The following TTC9 variants were observed in gnomAD, a reference collection of about 807,000 sequenced individuals.
TTC9 encodes tetratricopeptide repeat protein 9A.
Under a neutral mutation model 22.9 loss-of-function variants are expected in TTC9, and 13 were observed. That is an observed-to-expected ratio of 0.57 (90% CI 0.37 to 0.90). The LOEUF (loss-of-function observed/expected upper bound fraction) is 0.90, where lower values mean the gene tolerates loss of function less well. Among genes scored for constraint, TTC9 ranks in the 40% least tolerant of loss-of-function variants. The probability of loss-of-function intolerance (pLI) is 0.01; values close to 1 mark genes in which losing one functional copy is unlikely to be tolerated. For synonymous variants in TTC9, 148 were observed against 133.2 expected, an observed-to-expected ratio of 1.11 and a Z score of -0.77; for missense variants, 280 against 291.8, an observed-to-expected ratio of 0.96 and a Z score of 0.29.
chr14:70,643,827 C>A (rs564045206), intron 1 of TTC9, among the ~76,000 whole-genome samples: 4 of 152,154 alleles, frequency 2.6e-5, no homozygotes, highest in African/African-American at 4.8e-5. Flanking sequence ...TACGGAGGCA[C>A]TTTGTAAATT....
chr14:70,665,804 A>G (rs1295033485), intron 1 of TTC9, among the ~76,000 whole-genome samples: 1 of 152,220 alleles, frequency 6.6e-6, no homozygotes, highest in African/African-American at 2.4e-5. Context: ...AGGGGTCAGA[A>G]TGACTGACGT....
At position 70,671,145 on chromosome 14, in the gene TTC9, A is replaced by G; in HGVS notation, c.659A>G (p.Glu220Gly). The change falls in exon 3 of 3, where the codon GAA becomes GGA. Residue 220 changes from glutamate to glycine, a missense_variant. Glu to Gly is a moderately conservative substitution (Grantham distance 98). This residue lies in a region of TTC9 where 22 missense variants were observed against 20.4 expected (regional missense o/e 1.08). Coordinates refer to ENST00000256367, the MANE Select transcript of TTC9 (RefSeq NM_015351.2). ...KLSRCSQREK[E>G]AM ...AGCCGATGCTCCCAGAGAGAAAAAG[A>G]AGCCATGTAACCAGGAAGCAGCTCC... 1 of 1,613,600 alleles carries G rather than the reference A, an allele frequency of 6.2e-7. No individual in the cohort carries two copies. Among genetic ancestry groups the G allele is most frequent in the Non-Finnish European group, 8.5e-7 (1 of 1,179,702 alleles).
intron 1 of TTC9, among the ~76,000 whole-genome samples, chr14:70,655,416 A>AAC (rs1291470376): frequency 2.6e-5 from 4 of 152,096 alleles, no homozygotes; most frequent in Non-Finnish European, 5.9e-5. Context: ...CAAAAAAAAA[A>AAC]AAACAAAGAA....
chr14:70,674,433 G>C lies in TTC9; in HGVS notation c.*3278G>C, dbSNP rs1886339864. On this transcript the variant is annotated 3_prime_UTR_variant, in exon 3 of 3. Transcript: ENST00000256367. ...AATGTACACACGCACACACAGTTGT[G>C]GATTTTTTTAAACAAAAACTGGATA... 1 of 151,948 alleles carries C rather than the reference G, an allele frequency of 6.6e-6. No homozygotes were observed. The highest frequency in any genetic ancestry group is 2.4e-5 in the African/African-American group (1 of 41,352). 9.4% of individuals were successfully genotyped at this position (151,948 alleles called of 1,614,324 possible).
rs149318964 is a variant in TTC9 at position 70,675,138 on chromosome 14, T to C, written c.*3983T>C. ...TAGTATGTCAATGTTATTTTAACTT[T>C]CTTTGATTCTTCGCGAATAACATTT... On this transcript the variant is annotated 3_prime_UTR_variant, in exon 3 of 3. Coordinates refer to ENST00000256367, the MANE Select transcript of TTC9 (RefSeq NM_015351.2). 133 of 152,344 alleles carry C rather than the reference T, an allele frequency of 8.7e-4. 1 individual carries two copies. The East Asian group carries it at 0.025, about 28-fold the overall frequency. 9.4% of individuals were successfully genotyped at this position (152,344 alleles called of 1,614,324 possible).
chr14:70,654,320 G>A (rs918931812), intron 1 of TTC9, among the ~76,000 whole-genome samples: 1 of 152,044 alleles, frequency 6.6e-6, no homozygotes, highest in Non-Finnish European at 1.5e-5. Flanking sequence ...CCCGGGAGTG[G>A]TGGCTTATGC....
At position 70,672,857 on chromosome 14, in the gene TTC9, G is replaced by A. The variant is rs1566704263; in HGVS notation, c.*1702G>A. 6.6e-6 allele frequency: 1 copy of A among 152,230 alleles called. No individual in the cohort carries two copies. The highest frequency in any genetic ancestry group is 1.9e-4 in the East Asian group (1 of 5,198). The allele number at this position is 152,230 out of a possible 1,614,324, so 9.4% of individuals were successfully genotyped here. ...CATAGCTAGGATTTGAACCAGGCCT[G>A]CCTGACTCCAGAGCTCTGGCTAGTA... On this transcript the variant is annotated 3_prime_UTR_variant, in exon 3 of 3. Transcript: ENST00000256367.
At chr14:70,660,704 G>T (rs1886133482) in intron 1 of TTC9, among the ~76,000 whole-genome samples, 1 of 152,186 alleles carries the variant, frequency 6.6e-6, no homozygotes, top group Admixed American at 6.5e-5. Flanking sequence ...TTAGTCTTCA[G>T]CCAGGGCACC....
At chr14:70,647,612 CTCACGCA>C (rs1885922453) in intron 1 of TTC9, among the ~76,000 whole-genome samples, 1 of 152,132 alleles carries the variant, frequency 6.6e-6, no homozygotes. Context: ...TTGATGAACT[CTCACGCA>C]TCATGGGGCT....
chr14:70,651,043 C>T lies in TTC9; in HGVS notation c.406+8508C>T, dbSNP rs1279211573. Among the ~76,000 whole-genome samples the T allele has an allele frequency of 2.6e-5, 4 of 152,046 alleles. No individual in the cohort carries two copies. The East Asian group carries it at 5.8e-4, about 22-fold the overall frequency. On this transcript the variant is annotated intron_variant, in intron 1 of 2. Coordinates refer to ENST00000256367, the MANE Select transcript of TTC9 (RefSeq NM_015351.2). ...CACCCAGGCTGGAGTGTAAGTAGCA[C>T]GTTATCAGCTCACTGCAACCTCTGC...
intron 1 of TTC9, among the ~76,000 whole-genome samples, chr14:70,659,418 T>G (rs1886114524): frequency 6.6e-6 from 1 of 152,126 alleles, no homozygotes. Context: ...CAAAGATAGG[T>G]GTTGTTTCAG....
intron 1 of TTC9, among the ~76,000 whole-genome samples, chr14:70,651,767 C>T (rs1205306879): frequency 2.6e-5 from 4 of 152,078 alleles, no homozygotes; most frequent in Non-Finnish European, 5.9e-5. Flanking sequence ...TCTCTGGTGT[C>T]GAGGAAGGCA....
At chr14:70,656,484 C>T (rs568858074) in intron 1 of TTC9, among the ~76,000 whole-genome samples, 12 of 152,282 alleles carry the variant, frequency 7.9e-5, no homozygotes, top group South Asian at 2.1e-4. Flanking sequence ...GTGCTCTTTC[C>T]GCTATACATG....
intron 1 of TTC9, among the ~76,000 whole-genome samples, chr14:70,664,687 C>T (rs1251786486): frequency 6.6e-6 from 1 of 150,844 alleles, no homozygotes; most frequent in East Asian, 2.0e-4. Flanking sequence ...CGAGATCGCA[C>T]CACTGCACTC....
chr14:70,648,196 T>A (rs1885930677), intron 1 of TTC9, among the ~76,000 whole-genome samples: 1 of 152,180 alleles, frequency 6.6e-6, no homozygotes, highest in African/African-American at 2.4e-5. Flanking sequence ...CTGGCTAAGC[T>A]GTTGTTGACC....
At chr14:70,649,572 G>A (rs866221945) in intron 1 of TTC9, among the ~76,000 whole-genome samples, 2 of 152,196 alleles carry the variant, frequency 1.3e-5, no homozygotes, top group Non-Finnish European at 2.9e-5. Flanking sequence ...CACTGGGTCT[G>A]TAATTCCAAA....
At position 70,642,167 on chromosome 14, in the gene TTC9, A is replaced by AC; in HGVS notation, c.41dup (p.Ser15GlufsTer61). ...GGCTCGGCGGCCGGGGCCAAGGGGA[A>AC]CCCGAGCCCGCCCGCGGCCGGAGAG... On this transcript the variant is annotated frameshift_variant, in exon 1 of 3. Transcript: ENST00000256367. LOFTEE classifies it high-confidence loss of function. 8.4e-7 allele frequency: 1 copy of AC among 1,192,600 alleles called. No individual in the cohort carries two copies. The highest frequency in any genetic ancestry group is 1.0e-6 in the Non-Finnish European group (1 of 957,398). The allele number at this position is 1,192,600 out of a possible 1,614,324, so 73.9% of individuals were successfully genotyped here.
chr14:70,644,807 G>T (rs946403727), intron 1 of TTC9, among the ~76,000 whole-genome samples: 6 of 152,210 alleles, frequency 3.9e-5, no homozygotes, highest in African/African-American at 1.4e-4. Context: ...CTAGGAGGAT[G>T]GTTCAACTTA....
rs750950999 is a variant in TTC9 at position 70,642,487 on chromosome 14, A to G, written c.358A>G (p.Ser120Gly). The part of the protein sequence containing the change: ...LKPGRLSEEQ[S>G]KTVEAIEIDC... Reference sequence around the variant, plus strand: ...GCCCGGCCGCCTCTCGGAGGAGCAGAGCAAGACGGTGGAAGCCATCGAGAT... The same window carrying G: ...GCCCGGCCGCCTCTCGGAGGAGCAGGGCAAGACGGTGGAAGCCATCGAGAT... Residue 120 changes from serine to glycine, a missense_variant, in exon 1 of 3, where the codon AGC (serine) becomes GGC (glycine). Physicochemically the swap from Ser to Gly is moderately conservative, Grantham distance 56 (BLOSUM62 0). This residue lies in a region of TTC9 where 165 missense variants were observed against 145.4 expected (regional missense o/e 1.14). Transcript: ENST00000256367. The G allele has an allele frequency of 5.8e-6, 9 of 1,548,168 alleles. 1 individual carries two copies. In the South Asian group the frequency reaches 8.3e-5, roughly 14 times the overall value.
Sources: gnomAD v4.1 joint callset for allele counts (sites outside exome capture counted in the v4.1 genomes callset) on GRCh38, gnomAD v4.1.1 for gene constraint, gnomAD v4.1.1 regional missense constraint, MANE v1.5 for transcripts, NCBI Gene and HGNC (gene_info 2026-07-23, HGNC 2026-07-21) for gene names.